Variants in MME observed in about 807,000 individuals in gnomAD.
The protein encoded by MME is neprilysin.
MME carries 98 observed loss-of-function variants against 113.2 expected under a neutral mutation model. That is an observed-to-expected ratio of 0.87 (90% confidence interval 0.74 to 1.02). The LOEUF (loss-of-function observed/expected upper bound fraction) is 1.02, where lower values mean the gene tolerates loss of function less well. Ranked by LOEUF, MME falls within the 50% of genes least tolerant of loss-of-function variation. The pLI, the probability that MME is intolerant of heterozygous loss-of-function variation, is 0.00. For missense variants in MME, 836 were observed against 896.0 expected (o/e 0.93, Z 0.86); for synonymous variants, 292 against 300.6 (o/e 0.97, Z 0.30).
At position 155,172,432 on chromosome 3, in the gene MME, G is replaced by A. The variant is rs1712075858; in HGVS notation, c.2077-104G>A. ...TTTGAAGAGCGAATGGTTGAGGAAT[G>A]CAGAATTCCAATTTAATTTTTCTCC... On this transcript the variant is annotated intron_variant, in intron 21 of 22. Transcript: ENST00000360490. 5.2e-6 allele frequency: 5 copies of A among 956,592 alleles called. No homozygotes were observed. In the South Asian group the frequency reaches 6.5e-5, roughly 13 times the overall value. 59.3% of individuals were successfully genotyped at this position (956,592 alleles called of 1,614,324 possible).
At chr3:155,157,162 G>A (rs910549964) in intron 16 of MME, among the ~76,000 whole-genome samples, 1 of 151,896 alleles carries the variant, frequency 6.6e-6, no homozygotes, top group African/African-American at 2.4e-5. Context: ...ACTGCCAAAT[G>A]CCCCCAAACG....
chr3:155,034,612 T>C (rs148542376), intron 1 of MME, among the ~76,000 whole-genome samples: 28 of 152,286 alleles, frequency 1.8e-4, no homozygotes, highest in African/African-American at 6.3e-4. Flanking sequence ...TATGATGCAA[T>C]TGAGATTTTT....
At chr3:155,083,777 T>C (rs1017490074) in intron 1 of MME, 1 of 232,946 alleles carries the variant, frequency 4.3e-6, no homozygotes, top group Non-Finnish European at 8.6e-6. Flanking sequence ...TTGATGTTAG[T>C]CCAGAGTTCA....
At chr3:155,057,602 T>C (rs1713978463) in intron 1 of MME, among the ~76,000 whole-genome samples, 1 of 152,140 alleles carries the variant, frequency 6.6e-6, no homozygotes, top group Non-Finnish European at 1.5e-5. Context: ...TGCCAGCCTC[T>C]GGTGCATTGG....
intron 17 of MME, among the ~76,000 whole-genome samples, chr3:155,165,454 G>T (rs1453936351): frequency 1.3e-5 from 2 of 152,090 alleles, no homozygotes; most frequent in African/African-American, 4.8e-5. Flanking sequence ...GAAGGGGAGG[G>T]TATGATGGAG....
intron 8 of MME, among the ~76,000 whole-genome samples, chr3:155,134,090 T>A (rs1330418270): frequency 6.6e-6 from 1 of 152,062 alleles, no homozygotes; most frequent in African/African-American, 2.4e-5. Flanking sequence ...CGTAAAATTG[T>A]CTTTTCATTT....
chr3:155,084,412 G>C (rs1715472735), intron 2 of MME, 85 bp downstream of exon 2: 1 of 1,398,538 alleles, frequency 7.2e-7, no homozygotes, highest in Non-Finnish European at 1.0e-6. Context: ...TCCAACGAAT[G>C]TGTTAAGGAT....
intron 14 of MME, among the ~76,000 whole-genome samples, chr3:155,145,515 G>A (rs1348310155): frequency 1.3e-5 from 2 of 151,918 alleles, no homozygotes; most frequent in Non-Finnish European, 2.9e-5. Flanking sequence ...GGGGCAGGGG[G>A]GCAGAAAATA....
At chr3:155,179,696 A>T (rs1269291336) in intron 22 of MME, among the ~76,000 whole-genome samples, 3 of 152,268 alleles carry the variant, frequency 2.0e-5, no homozygotes, top group African/African-American at 7.2e-5. Context: ...CTCCCCTCAA[A>T]CACTGCTAGG....
intron 17 of MME, among the ~76,000 whole-genome samples, chr3:155,163,608 G>T (rs539630716): frequency 2.4e-4 from 37 of 152,192 alleles, no homozygotes; most frequent in Non-Finnish European, 5.0e-4. Flanking sequence ...CCTTAAAATC[G>T]CAGTCAAGGA....
intron 18 of MME, 21 bp from the exon 19 acceptor site, chr3:155,168,471 A>G: frequency 6.3e-7 from 1 of 1,597,228 alleles, no homozygotes; most frequent in Middle Eastern, 1.7e-4. Context: ...TTCCCATTTT[A>G]CTTAAATAAA....
At chr3:155,049,362 A>G (rs1392126083) in intron 1 of MME, among the ~76,000 whole-genome samples, 1 of 152,164 alleles carries the variant, frequency 6.6e-6, no homozygotes, top group Admixed American at 6.6e-5. Flanking sequence ...CAATGTACAG[A>G]CTGGAGTGAT....
chr3:155,131,356 C>T (rs1227976739), intron 8 of MME, among the ~76,000 whole-genome samples: 2 of 152,176 alleles, frequency 1.3e-5, no homozygotes, highest in Non-Finnish European at 2.9e-5. Flanking sequence ...GCTTGTCTCA[C>T]TGCATAACAC....
At chr3:155,034,304 T>C (rs965969808) in intron 1 of MME, among the ~76,000 whole-genome samples, 18 of 152,156 alleles carry the variant, frequency 1.2e-4, no homozygotes, top group African/African-American at 4.1e-4. Context: ...TGTGCTTTGG[T>C]TGTTTTCTGA....
chr3:155,032,930 T>C (rs1298002939), intron 1 of MME, among the ~76,000 whole-genome samples: 2 of 152,238 alleles, frequency 1.3e-5, no homozygotes, highest in South Asian at 2.1e-4. Context: ...GCTTAATGCA[T>C]AGTTACAATG....
chr3:155,153,529 G>C (rs1722103248), intron 16 of MME, among the ~76,000 whole-genome samples: 1 of 152,080 alleles, frequency 6.6e-6, no homozygotes, highest in Non-Finnish European at 1.5e-5. Flanking sequence ...AGTTCATAGA[G>C]CAAACATGAA....
At chr3:155,024,358 A>G (rs1712702535) in intron 1 of MME, 1 of 152,202 alleles carries the variant, frequency 6.6e-6, no homozygotes, top group African/African-American at 2.4e-5. Context: ...TAAATTTATT[A>G]CTAACTGCTT....
At chr3:155,101,281 T>C (rs1484374611) in intron 3 of MME, among the ~76,000 whole-genome samples, 1 of 152,224 alleles carries the variant, frequency 6.6e-6, no homozygotes, top group Non-Finnish European at 1.5e-5. Flanking sequence ...CTTTATGGCA[T>C]TGCAAGAACA....
intron 8 of MME, among the ~76,000 whole-genome samples, chr3:155,119,480 A>C (rs1227645134): frequency 7.1e-6 from 1 of 140,154 alleles, no homozygotes; most frequent in Non-Finnish European, 1.5e-5. Context: ...GGTTAGTTAC[A>C]TATGTATACA....
Sources: allele counts gnomAD v4.1 joint callset (sites outside exome capture counted in the v4.1 genomes callset), GRCh38; gene constraint gnomAD v4.1.1; transcripts MANE v1.5; gene names NCBI Gene and HGNC (gene_info 2026-07-23, HGNC 2026-07-21).